PCSK5: variants seen among roughly 807,000 people sequenced by gnomAD.
The protein encoded by PCSK5 is proprotein convertase subtilisin/kexin type 5.
A neutral mutation model predicts 233.2 loss-of-function variants in PCSK5; 129 were observed. That is an observed-to-expected ratio of 0.55 (90% CI 0.48 to 0.64). The LOEUF (loss-of-function observed/expected upper bound fraction) is 0.64, where lower values mean the gene tolerates loss of function less well. Ranked by LOEUF, PCSK5 falls within the 30% of genes least tolerant of loss-of-function variation. PCSK5 has a pLI of 0.00. For missense variants in PCSK5, 2,076 were observed against 2,430.1 expected, an observed-to-expected ratio of 0.85 and a Z score of 3.06; for synonymous variants, 825 against 879.2, an observed-to-expected ratio of 0.94 and a Z score of 1.09.
At chr9:75,939,443 C>T (rs576199808) in intron 2 of PCSK5, among the ~76,000 whole-genome samples, 2 of 152,268 alleles carry the variant, frequency 1.3e-5, no homozygotes, top group Non-Finnish European at 2.9e-5. Flanking sequence ...TTCAAAGCCT[C>T]TTACTAGTCT....
chr9:76,183,133 G>A (rs190392645), intron 16 of PCSK5, among the ~76,000 whole-genome samples: 2,524 of 152,224 alleles, frequency 0.017, 44 homozygotes, highest in Non-Finnish European at 0.028. Flanking sequence ...GAGGAAAAAA[G>A]TCAAAATTCT....
At chr9:76,240,431 C>G (rs777500528) in intron 23 of PCSK5, among the ~76,000 whole-genome samples, 185 bp from the exon 24 acceptor site, 3 of 152,186 alleles carry the variant, frequency 2.0e-5, no homozygotes, top group Non-Finnish European at 2.9e-5. Context: ...CTGATTCAAT[C>G]TATTCAATTA....
In PCSK5 at chr9:75,891,070, T is replaced by TGCGGCGGCCCGGGGCTGCGAGCG; in HGVS notation, c.-94_-93insGAGCGGCGGCGGCCCGGGGCTGC. ...CTGCCGATCGCCCGGGGCTGCGAGC[T>TGCGGCGGCCCGGGGCTGCGAGCG]GCGGCGGCCCGGGGCTGCTCGCCGG... is the stretch of plus-strand genomic sequence containing the variant. On this transcript the variant is annotated 5_prime_UTR_variant, in exon 1 of 38. Coordinates refer to ENST00000674117, the MANE Select transcript of PCSK5 (RefSeq NM_001372043.1). 9.8e-7 allele frequency: 1 copy of TGCGGCGGCCCGGGGCTGCGAGCG among 1,017,306 alleles called. No homozygotes were observed. The highest frequency in any genetic ancestry group is 1.3e-6 in the Non-Finnish European group (1 of 764,204). The allele number at this position is 1,017,306 out of a possible 1,614,324, so 63.0% of individuals were successfully genotyped here. A position where few individuals can be genotyped will look rare whatever the true frequency, so the allele number is the denominator to read the frequency against.
chr9:76,261,893 A>T (rs578095604), intron 24 of PCSK5, among the ~76,000 whole-genome samples: 1 of 152,322 alleles, frequency 6.6e-6, no homozygotes, highest in South Asian at 2.1e-4. Flanking sequence ...TATTAGCTTA[A>T]GGAGATTTTG....
intron 5 of PCSK5, among the ~76,000 whole-genome samples, chr9:76,050,364 GAAAT>G (rs1234377154): frequency 1.3e-5 from 2 of 152,032 alleles, no homozygotes; most frequent in African/African-American, 4.8e-5. Context: ...TATATGGAAA[GAAAT>G]AGACCACAAA....
intron 20 of PCSK5, among the ~76,000 whole-genome samples, chr9:76,224,719 C>T (rs1374134596): frequency 6.6e-6 from 1 of 152,068 alleles, no homozygotes; most frequent in East Asian, 1.9e-4. Context: ...ATTGTGAGTG[C>T]CAACAGAGGC....
chr9:76,096,565 T>C (rs2131653225), intron 8 of PCSK5, among the ~76,000 whole-genome samples: 1 of 152,278 alleles, frequency 6.6e-6, no homozygotes, highest in South Asian at 2.1e-4. Context: ...ATTATACTTA[T>C]TTAACATGAA....
intron 2 of PCSK5, among the ~76,000 whole-genome samples, chr9:75,948,761 A>G (rs1238974425): frequency 3.3e-5 from 5 of 152,026 alleles, no homozygotes; most frequent in Non-Finnish European, 7.4e-5. Context: ...GGTTGAACTA[A>G]TTTCCACTCC....
intron 30 of PCSK5, among the ~76,000 whole-genome samples, chr9:76,321,055 C>A (rs977293241): frequency 4.6e-5 from 7 of 151,988 alleles, no homozygotes; most frequent in Non-Finnish European, 8.8e-5. Context: ...ACCTGATGAC[C>A]TGCCCACCTC....
intron 20 of PCSK5, among the ~76,000 whole-genome samples, chr9:76,220,785 A>G (rs976087009): frequency 1.3e-5 from 2 of 152,080 alleles, no homozygotes; most frequent in East Asian, 1.9e-4. Flanking sequence ...CTTAAAATCT[A>G]CTCTTAGTGA....
intron 2 of PCSK5, among the ~76,000 whole-genome samples, chr9:75,937,096 A>G (rs1317766971): frequency 1.3e-5 from 2 of 152,022 alleles, no homozygotes; most frequent in Non-Finnish European, 2.9e-5. Context: ...AATATTCAGT[A>G]AACTATGCTG....
chr9:75,954,978 G>A (rs1053861064), intron 2 of PCSK5, among the ~76,000 whole-genome samples: 3 of 152,112 alleles, frequency 2.0e-5, no homozygotes, highest in African/African-American at 7.2e-5. Flanking sequence ...AAAATAATTT[G>A]GAAATCTTTT....
intron 5 of PCSK5, among the ~76,000 whole-genome samples, chr9:76,043,707 T>G (rs1003962292): frequency 9.9e-5 from 15 of 152,184 alleles, no homozygotes; most frequent in African/African-American, 3.6e-4. Flanking sequence ...ATGTATGTAT[T>G]TATTTTGAGT....
chr9:76,259,054 A>G (rs1019517305), intron 24 of PCSK5, among the ~76,000 whole-genome samples: 12 of 152,352 alleles, frequency 7.9e-5, no homozygotes, highest in African/African-American at 2.9e-4. Context: ...ATGATGGCGC[A>G]TGATGCTTTT....
chr9:76,297,984 T>C (rs955634369), intron 27 of PCSK5, among the ~76,000 whole-genome samples: 7 of 152,162 alleles, frequency 4.6e-5, no homozygotes, highest in African/African-American at 1.4e-4. Flanking sequence ...GCCGAGAAGA[T>C]TATTCAATCC....
At chr9:76,128,961 G>T (rs150619165) in intron 9 of PCSK5, among the ~76,000 whole-genome samples, 2 of 152,292 alleles carry the variant, frequency 1.3e-5, no homozygotes, top group Admixed American at 6.5e-5. Flanking sequence ...ACTCCTGCTC[G>T]CAGTGGGACT....
chr9:76,092,755 C>T (rs1172177546), intron 7 of PCSK5, among the ~76,000 whole-genome samples: 2 of 152,154 alleles, frequency 1.3e-5, no homozygotes, highest in Non-Finnish European at 2.9e-5. Flanking sequence ...CAGTGCTTGG[C>T]GCATAGAAGG....
chr9:76,232,839 GGT>G (rs1304149131), intron 21 of PCSK5, among the ~76,000 whole-genome samples: 1 of 152,170 alleles, frequency 6.6e-6, no homozygotes, highest in Non-Finnish European at 1.5e-5. Flanking sequence ...GCCCTTTGTA[GGT>G]GTTCACAGTA....
chr9:75,934,076 G>T (rs1161552727), intron 2 of PCSK5, among the ~76,000 whole-genome samples: 1 of 152,058 alleles, frequency 6.6e-6, no homozygotes, highest in Non-Finnish European at 1.5e-5. Context: ...TCTTATCTCA[G>T]TGCATCACAT....
Sources: allele counts gnomAD v4.1 joint callset (sites outside exome capture counted in the v4.1 genomes callset), GRCh38; gene constraint gnomAD v4.1.1; transcripts MANE v1.5; gene names NCBI Gene and HGNC (gene_info 2026-07-23, HGNC 2026-07-21).